The following CLVS1 variants were observed in gnomAD, a reference collection of about 807,000 sequenced individuals.
CLVS1 encodes clavesin-1.
A neutral mutation model predicts 33.1 loss-of-function variants in CLVS1; 10 were observed. The ratio of observed to expected loss-of-function variants is 0.30; its 90% CI spans 0.19 to 0.51. The LOEUF (loss-of-function observed/expected upper bound fraction) is 0.51. Ranked by LOEUF, CLVS1 falls within the 20% of genes least tolerant of loss-of-function variation. The pLI, the probability that CLVS1 is intolerant of heterozygous loss-of-function variation, is 0.97. For synonymous variants in CLVS1, 163 were observed against 166.1 expected (o/e 0.98, Z 0.14); for missense variants, 343 against 433.4 (o/e 0.79, Z 1.85).
chr8:61,300,441 G>C, intron 2 of CLVS1, 159 bp downstream of exon 2: 7 of 609,928 alleles, frequency 1.1e-5, no homozygotes, highest in Non-Finnish European at 1.7e-5. Context: ...GTCTTCAAAA[G>C]GCAATTCCAG....
intron 1 of CLVS1, among the ~76,000 whole-genome samples, chr8:61,067,738 T>C (rs1343408540): frequency 6.6e-6 from 1 of 151,790 alleles, no homozygotes; most frequent in Non-Finnish European, 1.5e-5. Context: ...AACCAAATAC[T>C]ACATGTTCTC....
chr8:61,283,371 G>C (rs1809713760), upstream of CLVS1, among the ~76,000 whole-genome samples: 1 of 152,196 alleles, frequency 6.6e-6, no homozygotes, highest in South Asian at 2.1e-4. Flanking sequence ...AGTATACAAT[G>C]ATGCAGCATT....
intron 3 of CLVS1, among the ~76,000 whole-genome samples, chr8:61,447,977 G>A (rs1027044763): frequency 5.9e-5 from 9 of 152,032 alleles, no homozygotes; most frequent in African/African-American, 1.7e-4. Context: ...TCCTTAACCT[G>A]AGAATTTCTT....
chr8:61,303,751 T>G (rs1810516454), intron 2 of CLVS1, among the ~76,000 whole-genome samples: 1 of 152,164 alleles, frequency 6.6e-6, no homozygotes, highest in Admixed American at 6.5e-5. Flanking sequence ...CATCTGTAAG[T>G]TGGGAATGAG....
At chr8:61,214,995 G>A (rs953749368) in intron 2 of CLVS1, among the ~76,000 whole-genome samples, 2 of 152,142 alleles carry the variant, frequency 1.3e-5, no homozygotes, top group Admixed American at 6.5e-5. Flanking sequence ...CATTGAAAAT[G>A]TTTTAGCTGT....
At chr8:61,027,544 T>G in the CLVS1 span, among the ~76,000 whole-genome samples, 8 of 152,236 alleles carry the variant, frequency 5.3e-5, no homozygotes, top group East Asian at 1.4e-3. Context: ...TAAATTAAGT[T>G]CATGGCCTGA....
intron 1 of CLVS1, among the ~76,000 whole-genome samples, chr8:61,104,122 T>G (rs1703070385): frequency 6.6e-6 from 1 of 152,206 alleles, no homozygotes; most frequent in African/African-American, 2.4e-5. Flanking sequence ...ATAAGCAAAT[T>G]TAGCTCATTG....
chr8:61,067,976 G>A (rs759875195), intron 1 of CLVS1, among the ~76,000 whole-genome samples: 5 of 141,562 alleles, frequency 3.5e-5, no homozygotes, highest in South Asian at 2.2e-4. Context: ...AATCTAAAAC[G>A]AAACTTGATA....
At chr8:61,214,163 C>A (rs1015979409) in intron 2 of CLVS1, among the ~76,000 whole-genome samples, 5 of 152,176 alleles carry the variant, frequency 3.3e-5, no homozygotes, top group African/African-American at 1.2e-4. Flanking sequence ...GTGCCTGAAA[C>A]TTCATTAGCA....
chr8:61,287,342 G>C (rs541090508), upstream of CLVS1, among the ~76,000 whole-genome samples: 1 of 152,070 alleles, frequency 6.6e-6, no homozygotes, highest in South Asian at 2.1e-4. Flanking sequence ...TTTTCTAAAA[G>C]GCTGTTAGTG....
chr8:61,165,335 A>G (rs1439039111), intron 2 of CLVS1, among the ~76,000 whole-genome samples: 2 of 152,206 alleles, frequency 1.3e-5, no homozygotes, highest in African/African-American at 4.8e-5. Flanking sequence ...GATTTAATAG[A>G]GTGAAATAGA....
intron 2 of CLVS1, among the ~76,000 whole-genome samples, chr8:61,366,171 C>CT (rs1206499893): frequency 2.0e-5 from 3 of 152,142 alleles, no homozygotes; most frequent in Non-Finnish European, 1.5e-5. Flanking sequence ...CTGCTGCTCT[C>CT]TATGGGCCCT....
chr8:61,293,757 A>G (rs1302149934), intron 1 of CLVS1, among the ~76,000 whole-genome samples: 1 of 152,188 alleles, frequency 6.6e-6, no homozygotes, highest in African/African-American at 2.4e-5. Context: ...TTTGGAAACA[A>G]AAATTCACAC....
At chr8:61,023,283 G>A in the CLVS1 span, among the ~76,000 whole-genome samples, 10 of 152,174 alleles carry the variant, frequency 6.6e-5, no homozygotes, top group African/African-American at 2.4e-4. Context: ...TTGTAGCTGG[G>A]CTCTCTGTGC....
intron 3 of CLVS1, among the ~76,000 whole-genome samples, chr8:61,414,622 G>A (rs1044201472): frequency 6.6e-6 from 1 of 151,978 alleles, no homozygotes. Context: ...CTGTTATAAG[G>A]GACCAGCTCT....
intron 5 of CLVS1, among the ~76,000 whole-genome samples, chr8:61,459,623 C>T (rs1817297240): frequency 2.0e-5 from 3 of 152,070 alleles, no homozygotes; most frequent in Admixed American, 1.3e-4. Context: ...AGACTAAAAT[C>T]CCCTTCAGCC....
At chr8:61,050,028 A>G in the CLVS1 span, among the ~76,000 whole-genome samples, 1 of 152,216 alleles carries the variant, frequency 6.6e-6, no homozygotes, top group African/African-American at 2.4e-5. Context: ...CTTTAACACA[A>G]TACTGCTGAA....
At chr8:61,477,359 GT>G (rs896463504) in intron 5 of CLVS1, among the ~76,000 whole-genome samples, 8 of 152,148 alleles carry the variant, frequency 5.3e-5, no homozygotes, top group Non-Finnish European at 1.0e-4. Flanking sequence ...GATTGGAATA[GT>G]TTCAGAAGGA....
intron 2 of CLVS1, among the ~76,000 whole-genome samples, chr8:61,376,338 T>C (rs1266660813): frequency 1.3e-5 from 2 of 151,976 alleles, no homozygotes; most frequent in African/African-American, 4.8e-5. Context: ...GGAAGCAGAG[T>C]ATGGAAAGCC....
Sources: gnomAD v4.1 joint callset for allele counts (sites outside exome capture counted in the v4.1 genomes callset) on GRCh38, gnomAD v4.1.1 for gene constraint, MANE v1.5 for transcripts, NCBI Gene and HGNC (gene_info 2026-07-23, HGNC 2026-07-21) for gene names.